Variants in LRP1B observed in about 807,000 individuals in gnomAD.
LRP1B encodes LDL receptor related protein 1B.
LRP1B carries 217 observed loss-of-function variants against 556.6 expected under a neutral mutation model. The observed-to-expected ratio is 0.39, with a 90% CI of 0.35 to 0.44. LRP1B has a LOEUF of 0.44. LRP1B is among the 20% of genes least tolerant of loss of function. The probability of loss-of-function intolerance (pLI) is 1.00; values close to 1 mark genes in which losing one functional copy is unlikely to be tolerated. For missense variants in LRP1B, 5,053 were observed against 5,620.8 expected, an observed-to-expected ratio of 0.90 and a Z score of 3.23; for synonymous variants, 2,047 against 1,865.8, an observed-to-expected ratio of 1.10 and a Z score of -2.50.
At chr2:142,065,141 G>A (rs776661236) in intron 1 of LRP1B, among the ~76,000 whole-genome samples, 3 of 151,374 alleles carry the variant, frequency 2.0e-5, no homozygotes, top group Admixed American at 6.6e-5. Context: ...CCTTTAAGCC[G>A]GTCATTGTAT....
At position 141,023,079 on chromosome 2, in the gene LRP1B, A is replaced by T. The variant is rs142086727; in HGVS notation, c.1790-2977T>A. The stretch of plus-strand genomic sequence containing the variant: ...GATTAATATTATGTCTGTATTTTTC[A>T]TGCTAAGTGAAGATATTGCACATTT... On this transcript the variant is annotated intron_variant, in intron 11 of 90. Coordinates refer to ENST00000389484, the MANE Select transcript of LRP1B (RefSeq NM_018557.3). Among the ~76,000 whole-genome samples the T allele has an allele frequency of 7.7e-4, 117 of 151,976 alleles. 1 individual carries two copies. Among genetic ancestry groups the T allele is most frequent in the African/African-American group, 2.7e-3 (114 of 41,530 alleles).
intron 35 of LRP1B, among the ~76,000 whole-genome samples, chr2:140,757,736 C>T (rs1001558295): frequency 2.6e-5 from 4 of 152,090 alleles, no homozygotes; most frequent in African/African-American, 4.8e-5. Flanking sequence ...CAAAAATTAG[C>T]AGGGCATGGT....
intron 41 of LRP1B, among the ~76,000 whole-genome samples, chr2:140,656,688 T>C (rs1684889625): frequency 6.6e-6 from 1 of 152,186 alleles, no homozygotes; most frequent in African/African-American, 2.4e-5. Context: ...TGTATCTCCT[T>C]GGACTATTTG....
intron 41 of LRP1B, among the ~76,000 whole-genome samples, chr2:140,621,202 AAAC>A (rs1280243515): frequency 6.6e-6 from 1 of 151,570 alleles, no homozygotes; most frequent in African/African-American, 2.4e-5. Context: ...TAACACGGTG[AAAC>A]CCCATCTCTA....
intron 3 of LRP1B, among the ~76,000 whole-genome samples, chr2:141,339,725 T>TA (rs1278060449): frequency 4.6e-5 from 7 of 152,024 alleles, no homozygotes; most frequent in African/African-American, 9.7e-5. Context: ...TTCTTTCAAA[T>TA]AATTTGGCCC....
chr2:141,186,783 G>T (rs1229246576), intron 7 of LRP1B, among the ~76,000 whole-genome samples: 1 of 151,982 alleles, frequency 6.6e-6, no homozygotes, highest in African/African-American at 2.4e-5. Flanking sequence ...GGGAGAAACA[G>T]GAAACCTGAG....
chr2:140,915,891 G>T (rs1357198430), intron 21 of LRP1B, among the ~76,000 whole-genome samples: 6 of 151,842 alleles, frequency 4.0e-5, no homozygotes, highest in East Asian at 3.9e-4. Flanking sequence ...AGCCGGGTGA[G>T]GGGGCAGGCG....
At chr2:141,812,138 A>G (rs1405633331) in intron 1 of LRP1B, among the ~76,000 whole-genome samples, 2 of 152,112 alleles carry the variant, frequency 1.3e-5, no homozygotes, top group East Asian at 1.9e-4. Flanking sequence ...ATTTATAAGT[A>G]TGCTTGAATG....
chr2:140,808,344 TA>T (rs1219180178), intron 32 of LRP1B, among the ~76,000 whole-genome samples: 1 of 147,192 alleles, frequency 6.8e-6, no homozygotes, highest in African/African-American at 2.7e-5. Context: ...TTATGTTTTA[TA>T]TTTTTTTAAA....
chr2:141,963,763 G>A (rs1041012610), intron 1 of LRP1B, among the ~76,000 whole-genome samples: 23 of 147,280 alleles, frequency 1.6e-4, no homozygotes, highest in Non-Finnish European at 3.1e-4. Flanking sequence ...GCAGGAGAAG[G>A]AAATAAAGGG....
At chr2:141,543,257 C>A (rs1685331397) in intron 2 of LRP1B, among the ~76,000 whole-genome samples, 1 of 151,812 alleles carries the variant, frequency 6.6e-6, no homozygotes, top group South Asian at 2.1e-4. Flanking sequence ...GCCTGTAGTC[C>A]CAGCACATTG....
intron 87 of LRP1B, among the ~76,000 whole-genome samples, chr2:140,240,427 A>G (rs1447387597): frequency 6.6e-6 from 1 of 150,780 alleles, no homozygotes; most frequent in Non-Finnish European, 1.5e-5. Flanking sequence ...CTATGTATAT[A>G]CTAGATTAGC....
intron 3 of LRP1B, among the ~76,000 whole-genome samples, chr2:141,317,518 C>T (rs1687079559): frequency 6.6e-6 from 1 of 152,120 alleles, no homozygotes; most frequent in Non-Finnish European, 1.5e-5. Context: ...ACCCTAACTC[C>T]AAGTAGAGTC....
At chr2:141,308,256 G>A (rs150302304) in intron 3 of LRP1B, among the ~76,000 whole-genome samples, 1 of 152,218 alleles carries the variant, frequency 6.6e-6, no homozygotes, top group Non-Finnish European at 1.5e-5. Context: ...AGCCAATATA[G>A]AAACAAATAA....
chr2:140,919,046 C>A (rs1159033315), intron 21 of LRP1B, among the ~76,000 whole-genome samples: 1 of 151,972 alleles, frequency 6.6e-6, no homozygotes, highest in Non-Finnish European at 1.5e-5. Flanking sequence ...AGGGTCTCAA[C>A]ATACTTATTG....
In LRP1B at chr2:140,359,011, TC is replaced by T. The variant is rs1682380271; in HGVS notation, c.11132-66del. 4.1e-6 allele frequency: 6 copies of T among 1,480,512 alleles called. No individual in the cohort carries two copies. In the South Asian group the frequency reaches 7.4e-5, roughly 18 times the overall value. 91.7% of individuals were successfully genotyped at this position (1,480,512 alleles called of 1,614,324 possible). A position where few individuals can be genotyped will look rare whatever the true frequency, so the allele number is the denominator to read the frequency against. On this transcript the variant is annotated intron_variant, in intron 72 of 90. Coordinates refer to ENST00000389484, the MANE Select transcript of LRP1B (RefSeq NM_018557.3). ...TACATTGCTTTATGAAGAACATTCTTCCTTTTTCTTTTATTCTTTTCAAATC... is the reference window on the plus strand; with the variant it reads ...TACATTGCTTTATGAAGAACATTCTTCTTTTTCTTTTATTCTTTTCAAATC...
intron 84 of LRP1B, among the ~76,000 whole-genome samples, chr2:140,276,999 A>G (rs530776959): frequency 6.6e-6 from 1 of 152,040 alleles, no homozygotes; most frequent in African/African-American, 2.4e-5. Flanking sequence ...TTGTAAATAG[A>G]TTTGATTTGA....
chr2:141,472,413 G>A (rs1346040765), intron 3 of LRP1B, among the ~76,000 whole-genome samples: 7 of 152,012 alleles, frequency 4.6e-5, no homozygotes, highest in East Asian at 1.9e-4. Context: ...GGTACTGGAT[G>A]CCTGTAATTC....
intron 17 of LRP1B, among the ~76,000 whole-genome samples, chr2:140,986,987 T>C (rs1309452864): frequency 1.3e-5 from 2 of 152,172 alleles, no homozygotes; most frequent in African/African-American, 4.8e-5. Flanking sequence ...AGCATATATG[T>C]CCATGTATTC....
Sources: allele counts gnomAD v4.1 joint callset (sites outside exome capture counted in the v4.1 genomes callset), GRCh38; gene constraint gnomAD v4.1.1; transcripts MANE v1.5; gene names NCBI Gene and HGNC (gene_info 2026-07-23, HGNC 2026-07-21).